Variants in DCC observed in about 807,000 individuals in gnomAD.
DCC encodes DCC netrin 1 receptor, also known as netrin receptor DCC.
A neutral mutation model predicts 172.5 loss-of-function variants in DCC; 58 were observed. The observed-to-expected ratio is 0.34, with a 90% confidence interval of 0.27 to 0.42. The LOEUF is 0.42. Ranked by LOEUF, DCC falls within the 10% of genes least tolerant of loss-of-function variation. The pLI, the probability that DCC is intolerant of heterozygous loss-of-function variation, is 1.00. For synonymous variants in DCC, 709 were observed against 644.5 expected, an observed-to-expected ratio of 1.10 and a Z score of -1.52; for missense variants, 1,740 against 1,791.0, an observed-to-expected ratio of 0.97 and a Z score of 0.51.
intron 7 of DCC, among the ~76,000 whole-genome samples, chr18:53,072,322 G>GTCCT (rs1265600668): frequency 6.6e-6 from 1 of 152,182 alleles, no homozygotes; most frequent in Non-Finnish European, 1.5e-5. Context: ...ACCCTGTTTG[G>GTCCT]TAGCTGAGTG....
At position 53,207,816 on chromosome 18, in the gene DCC, C is replaced by T. The variant is rs144792181; in HGVS notation, c.1860C>T (p.Asp620=). The change falls in exon 11 of 29, where the codon GAC becomes GAT. Residue 620 remains aspartate, a splice_region_variant and synonymous_variant. Coordinates refer to ENST00000442544, the MANE Select transcript of DCC (RefSeq NM_005215.4). ...ATATAACAGTGGTTACACTTTCTGA[C>T]GGTAAGTTAAAAACAGTGAAACTCC... The part of the protein sequence containing the change: ...TDDITVVTLS[D]VPSAPPQNVS... 601 of 1,610,538 alleles carry T rather than the reference C, an allele frequency of 3.7e-4. 2 individuals carry two copies. The highest frequency in any genetic ancestry group is 4.6e-4 in the Non-Finnish European group (541 of 1,176,988).
At chr18:53,329,637 T>G (rs1367156909) in intron 14 of DCC, among the ~76,000 whole-genome samples, 1 of 152,128 alleles carries the variant, frequency 6.6e-6, no homozygotes, top group Non-Finnish European at 1.5e-5. Flanking sequence ...TGTTCCTGGA[T>G]GAAAAAACTG....
intron 1 of DCC, among the ~76,000 whole-genome samples, chr18:52,368,255 G>C (rs558505875): frequency 1.2e-4 from 18 of 152,102 alleles, no homozygotes; most frequent in African/African-American, 4.3e-4. Context: ...TATCCCCATT[G>C]TTTCTTTCTT....
intron 1 of DCC, among the ~76,000 whole-genome samples, chr18:52,505,410 G>A (rs1027825499): frequency 1.3e-5 from 2 of 152,140 alleles, no homozygotes; most frequent in African/African-American, 4.8e-5. Flanking sequence ...GAATAGTTAA[G>A]ATTTCAACAC....
At chr18:52,839,577 C>A (rs1446958290) in intron 2 of DCC, among the ~76,000 whole-genome samples, 1 of 152,222 alleles carries the variant, frequency 6.6e-6, no homozygotes, top group African/African-American at 2.4e-5. Flanking sequence ...TTCTTGACAA[C>A]ATTGCTGAAT....
At position 53,110,393 on chromosome 18, in the gene DCC, G is replaced by A. The variant is rs117969851; in HGVS notation, c.1261+44227G>A. Among the ~76,000 whole-genome samples, 1,176 of 151,722 alleles carry A rather than the reference G, an allele frequency of 7.8e-3. 5 individuals carry two copies. The highest frequency in any genetic ancestry group is 0.014 in the Non-Finnish European group (916 of 67,750). Reference sequence around the variant, plus strand: ...GTAGATTGGAGGTTAAGCAAAATAAGATAATTTAGCAATCAGCAAGTTTTA... The same window carrying A: ...GTAGATTGGAGGTTAAGCAAAATAAAATAATTTAGCAATCAGCAAGTTTTA... On this transcript the variant is annotated intron_variant, in intron 7 of 28. Transcript: ENST00000442544.
At chr18:52,596,904 T>C (rs1185547843) in intron 1 of DCC, among the ~76,000 whole-genome samples, 2 of 152,198 alleles carry the variant, frequency 1.3e-5, no homozygotes, top group Non-Finnish European at 2.9e-5. Flanking sequence ...TCCGTGTTTG[T>C]TTTTTCCCTG....
intron 15 of DCC, among the ~76,000 whole-genome samples, chr18:53,379,135 C>T (rs879223736): frequency 1.6e-4 from 25 of 152,238 alleles, no homozygotes; most frequent in African/African-American, 6.0e-4. Flanking sequence ...ACAGCAATCC[C>T]ATGGCCTATA....
At chr18:53,050,842 A>T (rs1395286414) in intron 5 of DCC, among the ~76,000 whole-genome samples, 4 of 152,122 alleles carry the variant, frequency 2.6e-5, no homozygotes, top group African/African-American at 9.7e-5. Context: ...AATTTTTTAA[A>T]TGCAAAAAGG....
intron 12 of DCC, among the ~76,000 whole-genome samples, chr18:53,241,753 A>G (rs1448362122): frequency 6.6e-6 from 1 of 152,176 alleles, no homozygotes; most frequent in Non-Finnish European, 1.5e-5. Context: ...TGGAGGTTGC[A>G]GTGGCTGCGC....
rs998014130 is a variant in DCC, at chr18:52,865,898, T to G, written c.413-40146T>G. ...TTTGCTGCGCAGAAACTATTTAGTTTAATTAGAGGGAATTTGTCAATTTTG... is the reference window on the plus strand; with the variant it reads ...TTTGCTGCGCAGAAACTATTTAGTTGAATTAGAGGGAATTTGTCAATTTTG... On this transcript the variant is annotated intron_variant, in intron 2 of 28. Coordinates refer to ENST00000442544, the MANE Select transcript of DCC (RefSeq NM_005215.4). 2.6e-5 allele frequency among the ~76,000 whole-genome samples: 4 copies of G among 152,178 alleles called. No homozygotes were observed. In the East Asian group the frequency reaches 7.7e-4, roughly 29 times the overall value.
At chr18:52,627,753 G>A (rs2034601151) in intron 1 of DCC, among the ~76,000 whole-genome samples, 1 of 152,206 alleles carries the variant, frequency 6.6e-6, no homozygotes, top group African/African-American at 2.4e-5. Context: ...GGCAAGTGTG[G>A]TCTTCAAACA....
intron 5 of DCC, among the ~76,000 whole-genome samples, chr18:53,040,479 A>C (rs1292755920): frequency 6.6e-6 from 1 of 152,120 alleles, no homozygotes; most frequent in Middle Eastern, 3.4e-3. Flanking sequence ...TCACTGAATC[A>C]GAAGCTCTGG....
chr18:53,373,016 C>T (rs540878617), intron 15 of DCC, among the ~76,000 whole-genome samples: 274 of 152,244 alleles, frequency 1.8e-3, no homozygotes, highest in African/African-American at 5.9e-3. Context: ...TGAGCCTAAC[C>T]ACATGTTTGC....
intron 15 of DCC, among the ~76,000 whole-genome samples, chr18:53,384,052 ACTTAGT>A (rs1599090039): frequency 6.6e-6 from 1 of 152,220 alleles, no homozygotes; most frequent in African/African-American, 2.4e-5. Context: ...CTTTCCTTTA[ACTTAGT>A]CTTAGTTTAT....
chr18:53,527,258 A>G (rs2046469153), intron 28 of DCC, among the ~76,000 whole-genome samples: 1 of 151,030 alleles, frequency 6.6e-6, no homozygotes, highest in Non-Finnish European at 1.5e-5. Flanking sequence ...CCCAGGCTAG[A>G]GGGTAGTGGC....
At chr18:53,322,318 C>T (rs553919360) in intron 14 of DCC, among the ~76,000 whole-genome samples, 161 bp downstream of exon 14, 1 of 152,296 alleles carries the variant, frequency 6.6e-6, no homozygotes, top group African/African-American at 2.4e-5. Flanking sequence ...AATACATAGT[C>T]TTCAACAATG....
intron 1 of DCC, among the ~76,000 whole-genome samples, chr18:52,452,182 C>G (rs1179611977): frequency 6.6e-6 from 1 of 152,032 alleles, no homozygotes; most frequent in Admixed American, 6.5e-5. Context: ...CTAAACAAAT[C>G]CAAAAATAGA....
At chr18:52,621,848 T>A (rs1389210885) in intron 1 of DCC, among the ~76,000 whole-genome samples, 4 of 152,222 alleles carry the variant, frequency 2.6e-5, no homozygotes, top group Non-Finnish European at 5.9e-5. Flanking sequence ...TACTGATGCT[T>A]CATTTTATGT....
Sources: allele counts gnomAD v4.1 joint callset (sites outside exome capture counted in the v4.1 genomes callset), GRCh38; gene constraint gnomAD v4.1.1; transcripts MANE v1.5; gene names NCBI Gene and HGNC (gene_info 2026-07-23, HGNC 2026-07-21).